Variants in UCHL5 observed in about 807,000 individuals in gnomAD.
UCHL5 encodes ubiquitin carboxyl-terminal hydrolase isozyme L5.
In UCHL5, 34 loss-of-function variants were observed where a neutral mutation model predicts 53.8. The observed-to-expected ratio is 0.63, with a 90% CI of 0.48 to 0.84. The LOEUF (loss-of-function observed/expected upper bound fraction) is 0.84. Among genes scored for constraint, UCHL5 ranks in the 40% least tolerant of loss-of-function variants. The pLI, the probability that UCHL5 is intolerant of heterozygous loss-of-function variation, is 0.00. For synonymous variants in UCHL5, 111 were observed against 126.3 expected (o/e 0.88, Z 0.81); for missense variants, 290 against 385.6 (o/e 0.75, Z 2.08).
At chr1:193,034,451 T>C (rs1343700276) in intron 3 of UCHL5, among the ~76,000 whole-genome samples, 1 of 152,012 alleles carries the variant, frequency 6.6e-6, no homozygotes, top group Non-Finnish European at 1.5e-5. Context: ...TGAAGCAGTA[T>C]TTTAAAATAT....
chr1:193,043,727 T>C (rs895945678), intron 3 of UCHL5, among the ~76,000 whole-genome samples: 1 of 152,216 alleles, frequency 6.6e-6, no homozygotes, highest in African/African-American at 2.4e-5. Flanking sequence ...ACCAGGTCTA[T>C]GTGACCAAGG....
intron 7 of UCHL5, among the ~76,000 whole-genome samples, chr1:193,025,944 G>C (rs1202360713): frequency 1.3e-5 from 2 of 152,062 alleles, no homozygotes; most frequent in African/African-American, 4.8e-5. Context: ...CAGAGGAACA[G>C]ATAAATGGAA....
At chr1:193,020,089 A>G in intron 10 of UCHL5, 1 of 984,990 alleles carries the variant, frequency 1.0e-6, no homozygotes, top group Non-Finnish European at 1.2e-6. Flanking sequence ...ATGAACAGAA[A>G]AACCTATAAT....
intron 3 of UCHL5, among the ~76,000 whole-genome samples, chr1:193,043,569 T>C (rs1558125319): frequency 6.6e-6 from 1 of 152,184 alleles, no homozygotes; most frequent in Non-Finnish European, 1.5e-5. Flanking sequence ...TTCTAAGTCC[T>C]TGAATGCCTA....
At chr1:193,021,270 A>T (rs1405818602) in intron 9 of UCHL5, 75 bp from the exon 10 acceptor site, 1 of 953,590 alleles carries the variant, frequency 1.0e-6, no homozygotes, top group East Asian at 2.5e-5. Context: ...ATCCAACTCA[A>T]AATAGAAATG....
In UCHL5 at chr1:193,059,103, G is replaced by C. The variant is rs1326168352; in HGVS notation, c.76+82C>G. ...GTCACCTCTCCAGACGCGGGGCGGCGGTGGCCGCAGGGAACCACTCCATGC... is the reference window on the plus strand; with the variant it reads ...GTCACCTCTCCAGACGCGGGGCGGCCGTGGCCGCAGGGAACCACTCCATGC... On this transcript the variant is annotated intron_variant, in intron 1 of 10. Coordinates refer to ENST00000367454, the MANE Select transcript of UCHL5 (RefSeq NM_001199261.3). This position sits in a 1 kb window ranked among gnomAD's most constrained non-coding sequence, Gnocchi z 4.9. 6 of 1,389,930 alleles carry C rather than the reference G, an allele frequency of 4.3e-6. No individual in the cohort carries two copies. In the Admixed American group the frequency reaches 1.5e-4, roughly 34 times the overall value. 86.1% of individuals were successfully genotyped at this position (1,389,930 alleles called of 1,614,324 possible). A position where few individuals can be genotyped will look rare whatever the true frequency, so the allele number is the denominator to read the frequency against.
Position 193,014,661 on chromosome 1 carries a change from TATTC to T in UCHL5, c.*1686_*1689del, listed in dbSNP as rs1196782230. 2 of 152,192 alleles carry T rather than the reference TATTC, an allele frequency of 1.3e-5. No homozygotes were observed. The highest frequency in any genetic ancestry group is 2.4e-5 in the African/African-American group (1 of 41,462). 9.4% of individuals were successfully genotyped at this position (152,192 alleles called of 1,614,324 possible). The stretch of plus-strand genomic sequence containing the variant: ...CATTGTTCACTTTTTTCTATATGGA[TATTC>T]AGCTATTCTATTCTGGCTCCATTTG... On this transcript the variant is annotated 3_prime_UTR_variant, in exon 11 of 11. Coordinates refer to ENST00000367454, the MANE Select transcript of UCHL5 (RefSeq NM_001199261.3).
chr1:193,038,155 T>TA (rs1188645374), intron 3 of UCHL5, among the ~76,000 whole-genome samples: 1 of 151,948 alleles, frequency 6.6e-6, no homozygotes, highest in African/African-American at 2.4e-5. Context: ...ATACTGAATT[T>TA]AAAAAAAGTT....
intron 3 of UCHL5, among the ~76,000 whole-genome samples, chr1:193,035,649 T>G (rs185004566): frequency 1.3e-3 from 193 of 152,170 alleles, no homozygotes; most frequent in African/African-American, 4.5e-3. Context: ...CAAAACATTT[T>G]AAGGTCTAAA....
At chr1:193,043,149 A>AT (rs199567522) in intron 3 of UCHL5, among the ~76,000 whole-genome samples, 3,212 of 61,770 alleles carry the variant, frequency 0.052, 704 homozygotes, top group Middle Eastern at 0.18. Context: ...GCTCTTGAAT[A>AT]TTAAAAAAAA....
chr1:193,036,333 A>G (rs1182737553), intron 3 of UCHL5, among the ~76,000 whole-genome samples: 3 of 147,774 alleles, frequency 2.0e-5, no homozygotes, highest in Non-Finnish European at 4.5e-5. Context: ...AAAAAAAAAA[A>G]AAAAAAAAAG....
intron 3 of UCHL5, 97 bp from the exon 4 acceptor site, chr1:193,029,754 ATTATATT>A: frequency 1.1e-6 from 1 of 941,746 alleles, no homozygotes; most frequent in Non-Finnish European, 1.5e-6. Context: ...CAGTTTTCAA[ATTATATT>A]TTATGAAGTC....
Position 193,059,300 on chromosome 1 carries a change from C to A in UCHL5, c.-40G>T. The stretch of plus-strand genomic sequence containing the variant: ...ACCGCCCCGATCCACCTCTCGCTCT[C>A]AGCTGCCCCCCGCACCAGCTGCCGC... On this transcript the variant is annotated 5_prime_UTR_variant, in exon 1 of 11. Transcript: ENST00000367454. The surrounding 1 kb of genome is among the most constrained non-coding windows in gnomAD (Gnocchi z 4.9). 6.2e-7 allele frequency: 1 copy of A among 1,611,098 alleles called. No individual in the cohort carries two copies. Among genetic ancestry groups the A allele is most frequent in the Non-Finnish European group, 8.5e-7 (1 of 1,178,830 alleles).
chr1:193,052,475 G>A (rs931928942), intron 1 of UCHL5, among the ~76,000 whole-genome samples: 32 of 152,194 alleles, frequency 2.1e-4, no homozygotes, highest in African/African-American at 7.5e-4. Flanking sequence ...GATATCCTAC[G>A]TTGCACAGGA....
At chr1:193,035,019 G>A (rs1662850595) in intron 3 of UCHL5, among the ~76,000 whole-genome samples, 1 of 151,622 alleles carries the variant, frequency 6.6e-6, no homozygotes, top group Non-Finnish European at 1.5e-5. Flanking sequence ...TTTATTGGAG[G>A]GTCTTAGCTA....
chr1:193,050,630 C>T (rs1303950067), intron 2 of UCHL5, among the ~76,000 whole-genome samples: 1 of 151,974 alleles, frequency 6.6e-6, no homozygotes, highest in East Asian at 1.9e-4. Flanking sequence ...CCTGTAATCC[C>T]GGCTACCTGG....
chr1:193,056,810 G>A (rs1445145509), intron 1 of UCHL5, among the ~76,000 whole-genome samples: 3 of 152,156 alleles, frequency 2.0e-5, no homozygotes, highest in Non-Finnish European at 4.4e-5. Context: ...GAAAATGATG[G>A]AAATAATTGG....
In UCHL5 at chr1:193,013,916, A is replaced by G. The variant is rs917465756; in HGVS notation, c.*2435T>C. On this transcript the variant is annotated 3_prime_UTR_variant, in exon 11 of 11. Coordinates refer to ENST00000367454, the MANE Select transcript of UCHL5 (RefSeq NM_001199261.3). ...GCAAGCTATCTTGGGAACTAAACATATAAGGTGAGAGTAGCCAGTGCCGCA... is the reference window on the plus strand; with the variant it reads ...GCAAGCTATCTTGGGAACTAAACATGTAAGGTGAGAGTAGCCAGTGCCGCA... The G allele has an allele frequency of 5.3e-5, 8 of 152,162 alleles. No homozygotes were observed. The highest frequency in any genetic ancestry group is 1.0e-4 in the Non-Finnish European group (7 of 68,028). The allele number at this position is 152,162 out of a possible 1,614,324, so 9.4% of individuals were successfully genotyped here.
chr1:193,059,168 G>A lies in UCHL5; in HGVS notation c.76+17C>T. The A allele has an allele frequency of 6.3e-7, 1 of 1,587,596 alleles. No individual in the cohort carries two copies. The highest frequency in any genetic ancestry group is 1.1e-5 in the South Asian group (1 of 87,216). ...CTCCCGTGACCCCAGGCCCAGGACGGTCCCCTTGGTTCTCACCGAATCCTT... is the reference window on the plus strand; with the variant it reads ...CTCCCGTGACCCCAGGCCCAGGACGATCCCCTTGGTTCTCACCGAATCCTT... On this transcript the variant is annotated intron_variant, in intron 1 of 10. Transcript: ENST00000367454. This position sits in a 1 kb window ranked among gnomAD's most constrained non-coding sequence, Gnocchi z 4.9.
Sources: allele counts gnomAD v4.1 joint callset (sites outside exome capture counted in the v4.1 genomes callset), GRCh38; gene constraint gnomAD v4.1.1; non-coding constraint Gnocchi (gnomAD v3.1); transcripts MANE v1.5; gene names NCBI Gene and HGNC (gene_info 2026-07-23, HGNC 2026-07-21).